HNRNPA3: variants seen among roughly 807,000 people sequenced by gnomAD.
HNRNPA3 encodes epididymis secretory sperm binding protein.
In HNRNPA3, 3 loss-of-function variants were observed where a neutral mutation model predicts 45.8. That is an observed-to-expected ratio of 0.07 (90% confidence interval 0.03 to 0.17). HNRNPA3 has a LOEUF of 0.17. Ranked by LOEUF, HNRNPA3 falls within the 10% of genes least tolerant of loss-of-function variation. The pLI is 1.00. For missense variants in HNRNPA3, 183 were observed against 480.3 expected, an observed-to-expected ratio of 0.38 and a Z score of 5.79; for synonymous variants, 170 against 155.6, an observed-to-expected ratio of 1.09 and a Z score of -0.69.
downstream of HNRNPA3, chr2:177,223,084 G>T (rs548739336): frequency 1.1e-4 from 17 of 152,594 alleles, no homozygotes; most frequent in South Asian, 2.1e-4. Flanking sequence ...AAATCCTTTG[G>T]AGACATACTG....
intron 5 of HNRNPA3, 36 bp downstream of exon 5, chr2:177,216,628 G>A (rs748782535): frequency 1.4e-5 from 22 of 1,611,712 alleles, no homozygotes; most frequent in Admixed American, 3.3e-5. Flanking sequence ...CAGTGGATAT[G>A]AGTGGTGTTT....
chr2:177,213,989 G>C (rs2105424885), intron 1 of HNRNPA3, among the ~76,000 whole-genome samples: 1 of 152,272 alleles, frequency 6.6e-6, no homozygotes, highest in African/African-American at 2.4e-5. Flanking sequence ...TTTTTTTCTA[G>C]CATGTGACAA....
At chr2:177,215,921 T>C in intron 3 of HNRNPA3, 25 bp downstream of exon 3, 1 of 1,597,046 alleles carries the variant, frequency 6.3e-7, no homozygotes, top group Non-Finnish European at 8.5e-7. Context: ...CATTGTGTAA[T>C]ATGTGAAATT....
chr2:177,217,699 T>G lies in HNRNPA3; in HGVS notation c.821-6T>G, dbSNP rs1415424288. ...TGTGTGGTCTTGTTATTTGTTGTTT[T>G]TTTAGGTGGCAACTATGGCGGTGGT... On this transcript the variant is annotated splice_region_variant and splice_polypyrimidine_tract_variant and intron_variant, in intron 7 of 10. Coordinates refer to ENST00000392524, the Ensembl canonical transcript of HNRNPA3. 2 of 1,612,322 alleles carry G rather than the reference T, an allele frequency of 1.2e-6. No homozygotes were observed. Among genetic ancestry groups the G allele is most frequent in the South Asian group, 2.2e-5 (2 of 91,008 alleles).
At chr2:177,215,101 T>G (rs1688874754) in intron 1 of HNRNPA3, among the ~76,000 whole-genome samples, 1 of 151,510 alleles carries the variant, frequency 6.6e-6, no homozygotes, top group Admixed American at 6.6e-5. Context: ...GTCAAAGTTT[T>G]TGTTGTTTTG....
At chr2:177,220,658 G>C (rs1330828600), downstream of HNRNPA3, 1 of 152,558 alleles carries the variant, frequency 6.6e-6, no homozygotes, top group Non-Finnish European at 1.5e-5. Flanking sequence ...GCTTAGTACA[G>C]GCTTCTCACT....
chr2:177,218,052 C>CTTTTTTTTTTTTTTTTTTTTTTT (rs58476089), intron 8 of HNRNPA3, among the ~76,000 whole-genome samples: 1 of 102,190 alleles, frequency 9.8e-6, no homozygotes, highest in African/African-American at 4.0e-5. Context: ...TCTCTTTTTT[C>CTTTTTTTTTTTTTTTTTTTTTTT]TTTTTTTTTT....
intron 4 of HNRNPA3, 68 bp downstream of exon 4, chr2:177,216,256 G>A: frequency 8.9e-7 from 1 of 1,120,974 alleles, no homozygotes. Flanking sequence ...AACTAAATTT[G>A]CTAAATTGTA....
In HNRNPA3 at chr2:177,213,197, G is replaced by C. The variant is rs375440736; in HGVS notation, c.72+326G>C. Among the ~76,000 whole-genome samples the C allele has an allele frequency of 2.0e-4, 31 of 152,260 alleles. No individual in the cohort carries two copies. In the East Asian group the frequency reaches 5.6e-3, roughly 28 times the overall value. On this transcript the variant is annotated intron_variant, in intron 1 of 10. Transcript: ENST00000392524. Reference sequence around the variant, plus strand: ...GCCCCGGCGGGAGCGGTTGGGAGGAGGTGGTGGGGGAGGGGAGGGGACGAG... The same window carrying C: ...GCCCCGGCGGGAGCGGTTGGGAGGACGTGGTGGGGGAGGGGAGGGGACGAG...
At chr2:177,214,151 T>G (rs895801772) in intron 1 of HNRNPA3, among the ~76,000 whole-genome samples, 2 of 152,244 alleles carry the variant, frequency 1.3e-5, no homozygotes, top group Non-Finnish European at 2.9e-5. Context: ...TTAAAAAGTC[T>G]TGACTAAAGT....
intron 1 of HNRNPA3, among the ~76,000 whole-genome samples, 173 bp downstream of exon 1, chr2:177,213,044 C>G (rs1054653048): frequency 6.6e-6 from 1 of 152,088 alleles, no homozygotes; most frequent in African/African-American, 2.4e-5. Context: ...GCCCCTCGCC[C>G]GCCTCGCCTT....
At position 177,216,981 on chromosome 2, in the gene HNRNPA3, T is replaced by C. The variant is rs186422632; in HGVS notation, c.820+41T>C. The C allele has an allele frequency of 1.2e-5, 17 of 1,430,736 alleles. No individual in the cohort carries two copies. In the African/African-American group the frequency reaches 2.0e-4, roughly 17 times the overall value. The allele number at this position is 1,430,736 out of a possible 1,614,324, so 88.6% of individuals were successfully genotyped here. On this transcript the variant is annotated intron_variant, in intron 7 of 10. Coordinates refer to ENST00000392524, the Ensembl canonical transcript of HNRNPA3. ...TCATTGATGTTTGATATTTTAACTT[T>C]CTTTACTTATTGAAAATTATTTATT... is the stretch of plus-strand genomic sequence containing the variant.
rs1301505597 is a variant in HNRNPA3 at position 177,212,884 on chromosome 2, G to C, written c.72+13G>C. The C allele has an allele frequency of 2.1e-6, 3 of 1,451,902 alleles. No individual in the cohort carries two copies. The highest frequency in any genetic ancestry group is 1.3e-5 in the South Asian group (1 of 80,000). 89.9% of individuals were successfully genotyped at this position (1,451,902 alleles called of 1,614,324 possible). Reference sequence around the variant, plus strand: ...CCGGGGGGAGGAGGTATTAGGGGGAGAGCGGGGGGTTGGTGGGGAATGGCC... The same window carrying C: ...CCGGGGGGAGGAGGTATTAGGGGGACAGCGGGGGGTTGGTGGGGAATGGCC... On this transcript the variant is annotated intron_variant, in intron 1 of 10. Transcript: ENST00000392524.
chr2:177,218,429 G>T (rs532630743), intron 8 of HNRNPA3, among the ~76,000 whole-genome samples: 1 of 152,142 alleles, frequency 6.6e-6, no homozygotes, highest in South Asian at 2.1e-4. Flanking sequence ...CATGTTTTAC[G>T]TGTAAAAGAT....
At chr2:177,217,823 T>C (rs143899979) in exon 8 of HNRNPA3, 1 of 1,586,706 alleles carries the variant, frequency 6.3e-7, no homozygotes, top group Non-Finnish European at 8.6e-7. Context: ...ATGGTTACAA[T>C]GAAGGAGGAA....
intron 1 of HNRNPA3, among the ~76,000 whole-genome samples, chr2:177,214,017 G>T (rs1034212772): frequency 6.6e-6 from 1 of 152,168 alleles, no homozygotes; most frequent in African/African-American, 2.4e-5. Flanking sequence ...ACATTAAACG[G>T]TTTAACATCT....
At chr2:177,220,928 T>C (rs1404696142), downstream of HNRNPA3, 5 of 152,624 alleles carry the variant, frequency 3.3e-5, no homozygotes, top group African/African-American at 9.6e-5. Context: ...TCTTTGGTAG[T>C]TGAACGTTGA....
At chr2:177,213,058 C>T (rs529325842) in intron 1 of HNRNPA3, among the ~76,000 whole-genome samples, 187 bp downstream of exon 1, 6 of 152,148 alleles carry the variant, frequency 3.9e-5, no homozygotes, top group Admixed American at 1.3e-4. Flanking sequence ...TCGCCTTCAC[C>T]TTCGGCTGCA....
chr2:177,216,276 T>G (rs1279116887), intron 4 of HNRNPA3, 88 bp downstream of exon 4: 1 of 896,260 alleles, frequency 1.1e-6, no homozygotes, highest in Non-Finnish European at 1.7e-6. Flanking sequence ...AATTTTCTGT[T>G]GCGTGTAATG....
Sources: gnomAD v4.1 joint callset for allele counts (sites outside exome capture counted in the v4.1 genomes callset) on GRCh38, gnomAD v4.1.1 for gene constraint, MANE v1.5 for transcripts, NCBI Gene and HGNC (gene_info 2026-07-23, HGNC 2026-07-21) for gene names.